Variants in ATP13A5 observed in about 807,000 individuals in gnomAD.
ATP13A5 encodes ATPase 13A5.
Under a neutral mutation model 150.2 loss-of-function variants are expected in ATP13A5, and 149 were observed. The ratio of observed to expected loss-of-function variants is 0.99; its 90% CI spans 0.87 to 1.14. The LOEUF (loss-of-function observed/expected upper bound fraction) is 1.14. Ranked by LOEUF, ATP13A5 falls within the 50% of genes most tolerant of loss-of-function variation. ATP13A5 has a pLI of 0.00. For missense variants in ATP13A5, 1,383 were observed against 1,449.3 expected (o/e 0.95, Z 0.74); for synonymous variants, 497 against 522.2 (o/e 0.95, Z 0.66).
chr3:193,300,070 G>A (rs542431271), intron 24 of ATP13A5, among the ~76,000 whole-genome samples: 13 of 152,248 alleles, frequency 8.5e-5, no homozygotes, highest in African/African-American at 2.6e-4. Context: ...CATCCGTGGA[G>A]GCTTTGGAAA....
chr3:193,341,088 T>G (rs1172638270), intron 9 of ATP13A5, among the ~76,000 whole-genome samples: 1 of 152,118 alleles, frequency 6.6e-6, no homozygotes, highest in Non-Finnish European at 1.5e-5. Context: ...TGTAAAATGT[T>G]AGCACAATGC....
Position 193,337,986 on chromosome 3 carries a change from T to C in ATP13A5, c.944-2887A>G, listed in dbSNP as rs1276745842. Among the ~76,000 whole-genome samples, 5 of 152,308 alleles carry C rather than the reference T, an allele frequency of 3.3e-5. 1 individual carries two copies. In the East Asian group the frequency reaches 9.7e-4, roughly 29 times the overall value. ...TGGATTCCTAGGTATTTTATTCTCTTTGAAGCAATTGTGAATGGGAGTTCA... is the reference window on the plus strand; with the variant it reads ...TGGATTCCTAGGTATTTTATTCTCTCTGAAGCAATTGTGAATGGGAGTTCA... On this transcript the variant is annotated intron_variant, in intron 9 of 29. Transcript: ENST00000342358.
intron 1 of ATP13A5, among the ~76,000 whole-genome samples, chr3:193,365,132 T>G (rs1052933271): frequency 6.6e-6 from 1 of 152,146 alleles, no homozygotes; most frequent in Non-Finnish European, 1.5e-5. Context: ...ATGAATAATA[T>G]CTCTACTATA....
intron 11 of ATP13A5, among the ~76,000 whole-genome samples, chr3:193,332,276 A>C (rs1023169760): frequency 6.6e-6 from 1 of 152,158 alleles, no homozygotes; most frequent in Admixed American, 6.5e-5. Flanking sequence ...TCCAACCATG[A>C]CTGTGAGGCC....
Position 193,305,607 on chromosome 3 carries a change from G to T in ATP13A5, c.2630C>A (p.Pro877His). 1 of 1,613,964 alleles carries T rather than the reference G, an allele frequency of 6.2e-7. No homozygotes were observed. Among genetic ancestry groups the T allele is most frequent in the East Asian group, 2.2e-5 (1 of 44,870 alleles). The change falls in exon 23 of 30, where the codon CCT becomes CAT. Residue 877 changes from proline (P) to histidine (H), a missense_variant. This residue lies in a region of ATP13A5 where 568 missense variants were observed against 621.5 expected (regional missense o/e 0.91). Transcript: ENST00000342358. Reference sequence around the variant, plus strand: ...GATGTTGGTTGTTTTAGAGGTAAAAGGGGATGCCACAGATGCTTCCTGCTC... The same window carrying T: ...GATGTTGGTTGTTTTAGAGGTAAAATGGGATGCCACAGATGCTTCCTGCTC... ...LSEQEASVASPFTSKTTNIQC... is the reference protein window; with the variant it reads ...LSEQEASVASHFTSKTTNIQC...
In ATP13A5 at chr3:193,327,168, A is replaced by C. The variant is rs1233421370; in HGVS notation, c.1462-111T>G. ...TATTATAGTAGATCCAGTAGTCTAA[A>C]TACCTTGTTTATAAGTACCAAATTT... On this transcript the variant is annotated intron_variant, in intron 12 of 29. Transcript: ENST00000342358. 11 of 957,240 alleles carry C rather than the reference A, an allele frequency of 1.1e-5. No homozygotes were observed. The Admixed American group carries it at 1.6e-4, about 14-fold the overall frequency. 59.3% of individuals were successfully genotyped at this position (957,240 alleles called of 1,614,324 possible).
chr3:193,291,741 G>A (rs1259487399), intron 25 of ATP13A5, among the ~76,000 whole-genome samples: 3 of 151,912 alleles, frequency 2.0e-5, no homozygotes, highest in Admixed American at 6.6e-5. Context: ...CTGGTTGGTA[G>A]TACTCTGCAT....
chr3:193,289,704 C>T (rs1717869326), intron 26 of ATP13A5, among the ~76,000 whole-genome samples, 181 bp downstream of exon 26: 7 of 151,964 alleles, frequency 4.6e-5, no homozygotes, highest in Admixed American at 4.6e-4. Context: ...CAGATCTCTT[C>T]CCACCCACTC....
At chr3:193,309,480 C>T (rs547514168) in intron 21 of ATP13A5, among the ~76,000 whole-genome samples, 2 of 152,210 alleles carry the variant, frequency 1.3e-5, no homozygotes, top group South Asian at 2.1e-4. Context: ...TCTAAATGGC[C>T]CTCAGCGATC....
intron 15 of ATP13A5, 143 bp downstream of exon 15, chr3:193,322,348 C>A (rs756558432): frequency 4.3e-4 from 299 of 695,046 alleles, no homozygotes; most frequent in Admixed American, 1.4e-3. Flanking sequence ...TAGACAAATT[C>A]GGAAATGAAA....
At position 193,301,262 on chromosome 3, in the gene ATP13A5, G is replaced by A; in HGVS notation, c.2724C>T (p.Tyr908=). The change falls in exon 24 of 30, where the codon TAC becomes TAT. Residue 908 remains tyrosine (Y), a synonymous_variant. Coordinates refer to ENST00000342358, the MANE Select transcript of ATP13A5 (RefSeq NM_198505.4). ...ALVSSFGVFK[Y]LTMYGIIQFI... is the part of the protein sequence containing the mutation. The stretch of plus-strand genomic sequence containing the variant: ...ACTGGATTATGCCGTACATGGTCAA[G>A]TATTTAAATACTCCAAAGGATGAAA... 6.2e-7 allele frequency: 1 copy of A among 1,613,450 alleles called. No homozygotes were observed. The highest frequency in any genetic ancestry group is 2.2e-5 in the East Asian group (1 of 44,842).
chr3:193,356,037 C>T (rs540790703), intron 5 of ATP13A5, among the ~76,000 whole-genome samples: 4 of 152,292 alleles, frequency 2.6e-5, no homozygotes, highest in African/African-American at 7.2e-5. Flanking sequence ...TCCACAACTT[C>T]GTATGTCTAC....
intron 26 of ATP13A5, among the ~76,000 whole-genome samples, 163 bp from the exon 27 acceptor site, chr3:193,285,279 G>T (rs555309426): frequency 4.7e-4 from 71 of 152,288 alleles, no homozygotes; most frequent in Non-Finnish European, 8.1e-4. Context: ...TGACAAAGCA[G>T]AAATAAAAGG....
At chr3:193,303,664 C>T (rs904465319) in intron 23 of ATP13A5, among the ~76,000 whole-genome samples, 2 of 151,882 alleles carry the variant, frequency 1.3e-5, no homozygotes, top group Non-Finnish European at 2.9e-5. Flanking sequence ...TAAAAGAAGA[C>T]GTGAGGTAGC....
intron 5 of ATP13A5, among the ~76,000 whole-genome samples, chr3:193,358,482 T>C (rs1712876689): frequency 6.6e-6 from 1 of 152,232 alleles, no homozygotes; most frequent in Admixed American, 6.5e-5. Context: ...AAGATTGGTA[T>C]ATTTTGAGAA....
At chr3:193,302,106 G>A (rs749142731) in intron 23 of ATP13A5, among the ~76,000 whole-genome samples, 181 of 152,274 alleles carry the variant, frequency 1.2e-3, no homozygotes, top group Non-Finnish European at 1.6e-3. Flanking sequence ...GCTCAGGGCA[G>A]AAGCAATCCA....
intron 5 of ATP13A5, among the ~76,000 whole-genome samples, chr3:193,356,057 C>A (rs1379969856): frequency 6.6e-6 from 1 of 152,114 alleles, no homozygotes. Flanking sequence ...CCCGCTCAGT[C>A]CCTCAATGAA....
rs1403792469 is a variant in ATP13A5, at chr3:193,322,552, T to C, written c.1697A>G (p.Asp566Gly). 6.2e-7 allele frequency: 1 copy of C among 1,612,598 alleles called. No individual in the cohort carries two copies. The change falls in exon 15 of 30, where the codon GAC (aspartate) becomes GGC (glycine). Residue 566 changes from aspartate (D) to glycine (G), a missense_variant. Around this residue, in one of 3 missense-constraint regions of ATP13A5, gnomAD observed 787 missense variants for 771.9 expected, o/e 1.02. Transcript: ENST00000342358. ...AACTGACGTCCCAAATTTGCAGGAG[T>C]CTACAATGCAATCTTCCATTTTCTG... ...TAWKMEDCIV[D>G]SCKFGTSVSN... is the part of the protein sequence containing the mutation.
In ATP13A5 at chr3:193,324,846, A is replaced by G. The variant is rs1719413825; in HGVS notation, c.1674+18T>C. 4 of 1,607,024 alleles carry G rather than the reference A, an allele frequency of 2.5e-6. No individual in the cohort carries two copies. Among genetic ancestry groups the G allele is most frequent in the Non-Finnish European group, 3.4e-6 (4 of 1,177,830 alleles). On this transcript the variant is annotated intron_variant, in intron 14 of 29. Coordinates refer to ENST00000342358, the MANE Select transcript of ATP13A5 (RefSeq NM_198505.4). ...GATTTCCTCAGATTCTCATCTTTCC[A>G]TTAAACTATCACCTTACCCAGGCAG...
Sources: allele counts gnomAD v4.1 joint callset (sites outside exome capture counted in the v4.1 genomes callset), GRCh38; gene constraint gnomAD v4.1.1; regional missense constraint gnomAD v4.1.1; transcripts MANE v1.5; gene names NCBI Gene and HGNC (gene_info 2026-07-23, HGNC 2026-07-21).